Variants in TFR2 observed in about 807,000 individuals in gnomAD.
TFR2 encodes the protein transferrin receptor 2.
TFR2 carries 64 observed loss-of-function variants against 91.9 expected under a neutral mutation model. The observed-to-expected ratio is 0.70, with a 90% CI of 0.57 to 0.86. TFR2 has a LOEUF of 0.86. TFR2 is among the 40% of genes least tolerant of loss of function. The pLI, the probability that TFR2 is intolerant of heterozygous loss-of-function variation, is 0.00. For synonymous variants in TFR2, 454 were observed against 459.6 expected, an observed-to-expected ratio of 0.99 and a Z score of 0.15; for missense variants, 950 against 1,080.5, an observed-to-expected ratio of 0.88 and a Z score of 1.69.
intron 17 of TFR2, among the ~76,000 whole-genome samples, chr7:100,625,343 G>A (rs1803226638): frequency 6.6e-6 from 1 of 152,158 alleles, no homozygotes; most frequent in African/African-American, 2.4e-5. Flanking sequence ...ACAGGCGTAA[G>A]CCACCGTGCC....
chr7:100,627,827 G>A lies in TFR2; in HGVS notation c.1606-7C>T. ...TGTGGTTGGGAGAATCCACCTGGGG[G>A]TTGGGGAAGGGCACTGATCAGGCTC... On this transcript the variant is annotated splice_region_variant and splice_polypyrimidine_tract_variant and intron_variant, in intron 13 of 17. Transcript: ENST00000223051. The A allele has an allele frequency of 6.2e-7, 1 of 1,614,082 alleles. No individual in the cohort carries two copies. Among genetic ancestry groups the A allele is most frequent in the African/African-American group, 1.3e-5 (1 of 74,998 alleles).
Position 100,620,985 on chromosome 7 carries a change from C to G in TFR2, c.2278G>C (p.Gly760Arg), listed in dbSNP as rs144665594. ...TGGAAGCCAGTGGAGGAGGTGGCCC[C>G]GGGGGTCCCGGAGCTGTTGGAGCGC... Reference protein sequence around the residue: ...LLRSNSSGTPGATSSTGFQES... With the variant: ...LLRSNSSGTPRATSSTGFQES... The change falls in exon 18 of 18, where the codon GGG (glycine) becomes CGG (arginine). Residue 760 changes from glycine (G) to arginine (R), a missense_variant. Gly to Arg is a moderately radical substitution (Grantham distance 125). Coordinates refer to ENST00000223051, the MANE Select transcript of TFR2 (RefSeq NM_003227.4). The G allele has an allele frequency of 1.9e-6, 3 of 1,610,718 alleles. No homozygotes were observed. The East Asian group carries it at 6.7e-5, about 36-fold the overall frequency.
At chr7:100,629,520 C>T (rs541478502) in intron 9 of TFR2, 148 bp from the exon 10 acceptor site, 28 of 1,491,144 alleles carry the variant, frequency 1.9e-5, no homozygotes, top group Admixed American at 1.7e-4. Context: ...CGCCCCTCCC[C>T]ACTTGGCCCT....
At chr7:100,631,189 G>GT in intron 8 of TFR2, 137 bp from the exon 9 acceptor site, 1 of 1,021,052 alleles carries the variant, frequency 9.8e-7, no homozygotes, top group Non-Finnish European at 1.4e-6. Context: ...GGGTAGGGCA[G>GT]TGCAGTCAGG....
At chr7:100,623,604 C>A (rs118102766) in intron 17 of TFR2, among the ~76,000 whole-genome samples, 1 of 151,910 alleles carries the variant, frequency 6.6e-6, no homozygotes, top group African/African-American at 2.4e-5. Flanking sequence ...GTATGGAAAC[C>A]CTCATCTCTA....
chr7:100,627,174 C>T (rs1803286177), intron 16 of TFR2, 90 bp downstream of exon 16: 15 of 1,426,250 alleles, frequency 1.1e-5, no homozygotes, highest in Non-Finnish European at 1.4e-5. Context: ...GACCTAGACC[C>T]CAGGGAATGC....
rs1803413474 is a variant in TFR2 at position 100,630,953 on chromosome 7, G to GTT, written c.1204_1205dup (p.Asn402LysfsTer61). 6.2e-7 allele frequency: 1 copy of GTT among 1,612,996 alleles called. No individual in the cohort carries two copies. Among genetic ancestry groups the GTT allele is most frequent in the Non-Finnish European group, 8.5e-7 (1 of 1,179,866 alleles). On this transcript the variant is annotated frameshift_variant, in exon 9 of 18. Transcript: ENST00000223051. LOFTEE classifies it high-confidence loss of function. ...TGATGGGGGTGGAGGTCCTGTGATT[G>GTT]TTGACCACTAGCCGCAGTCGTGGCC...
chr7:100,635,432 A>AATTATT (rs60473539), intron 3 of TFR2, among the ~76,000 whole-genome samples: 2,674 of 143,368 alleles, frequency 0.019, 49 homozygotes, highest in African/African-American at 0.042. Context: ...TTTTTTAAAA[A>AATTATT]ATTATTATTA....
At chr7:100,640,463 C>T (rs1157799503) in intron 3 of TFR2, 5 of 595,212 alleles carry the variant, frequency 8.4e-6, no homozygotes, top group African/African-American at 1.9e-5. Flanking sequence ...GCTCCCTCAC[C>T]TCCCAAATAT....
intron 17 of TFR2, among the ~76,000 whole-genome samples, chr7:100,625,053 C>A (rs1228586704): frequency 8.2e-6 from 1 of 121,924 alleles, no homozygotes; most frequent in Non-Finnish European, 1.6e-5. Flanking sequence ...TTTTCTTTTT[C>A]TTTTTCTTTT....
rs201023789 is a variant in TFR2 at position 100,637,812 on chromosome 7, CA to C, written c.473+2873del. Among the ~76,000 whole-genome samples, 238 of 133,428 alleles carry C rather than the reference CA, an allele frequency of 1.8e-3. 2 individuals carry two copies. The highest frequency in any genetic ancestry group is 6.5e-3 in the African/African-American group (225 of 34,674). The allele number at this position is 133,428 out of a possible 152,430, so 87.5% of individuals were successfully genotyped here. A position where few individuals can be genotyped will look rare whatever the true frequency, so the allele number is the denominator to read the frequency against. Reference sequence around the variant, plus strand: ...TAGGTGACAGAGCAAGGCCCTGTCTCAAAAAAAAATTAATGTAATTTAATTT... The same window carrying C: ...TAGGTGACAGAGCAAGGCCCTGTCTCAAAAAAAATTAATGTAATTTAATTT... On this transcript the variant is annotated intron_variant, in intron 3 of 17. Transcript: ENST00000223051.
rs762648897 is a variant in TFR2 at position 100,631,804 on chromosome 7, A to C, written c.1106+2T>G. 1 of 1,611,508 alleles carries C rather than the reference A, an allele frequency of 6.2e-7. No individual in the cohort carries two copies. Among genetic ancestry groups the C allele is most frequent in the South Asian group, 1.1e-5 (1 of 90,784 alleles). ...TCTTCTGGTCCCCAACACTCCCCTCACCTCAGCAGGCGGGAGGCAATGTCT... is the reference window on the plus strand; with the variant it reads ...TCTTCTGGTCCCCAACACTCCCCTCCCCTCAGCAGGCGGGAGGCAATGTCT... On this transcript the variant is annotated splice_donor_variant, in intron 8 of 17. Transcript: ENST00000223051. LOFTEE classifies it high-confidence loss of function.
chr7:100,635,119 TA>T (rs1803550583), intron 3 of TFR2, among the ~76,000 whole-genome samples: 1 of 151,860 alleles, frequency 6.6e-6, no homozygotes, highest in African/African-American at 2.4e-5. Flanking sequence ...TGTATTTTTT[TA>T]GTAGAGACAG....
intron 17 of TFR2, 47 bp from the exon 18 acceptor site, chr7:100,621,173 G>A: frequency 1.4e-6 from 2 of 1,446,344 alleles, no homozygotes; most frequent in Non-Finnish European, 1.8e-6. Flanking sequence ...TCTGGCTCGG[G>A]AGCAAAGGCC....
In TFR2 at chr7:100,621,131, G is replaced by A. The variant is rs374964799; in HGVS notation, c.2137-5C>T. ...GGAAAGGAAGTAGAACTCCACCTGCGCAGAGAGGGGGATCAGGTCAGGGTT... is the reference window on the plus strand; with the variant it reads ...GGAAAGGAAGTAGAACTCCACCTGCACAGAGAGGGGGATCAGGTCAGGGTT... On this transcript the variant is annotated splice_region_variant and splice_polypyrimidine_tract_variant and intron_variant, in intron 17 of 17. Transcript: ENST00000223051. The A allele has an allele frequency of 3.9e-4, 581 of 1,508,342 alleles. 2 individuals are homozygous for A. The highest frequency in any genetic ancestry group is 3.2e-3 in the African/African-American group (233 of 72,542). 93.4% of individuals were successfully genotyped at this position (1,508,342 alleles called of 1,614,324 possible).
chr7:100,641,198 CG>C lies in TFR2; in HGVS notation c.63del (p.Val22SerfsTer35), dbSNP rs2131327975. 6.5e-7 allele frequency: 1 copy of C among 1,532,552 alleles called. No homozygotes were observed. Among genetic ancestry groups the C allele is most frequent in the Non-Finnish European group, 8.8e-7 (1 of 1,137,118 alleles). 94.9% of individuals were successfully genotyped at this position (1,532,552 alleles called of 1,614,324 possible). A position where few individuals can be genotyped will look rare whatever the true frequency, so the allele number is the denominator to read the frequency against. ...AQQLSPRSSQ[T>X]VYQRVEGPRK... ...CGGGGGCCTTCCACACGCTGGTAGA[CG>C]GTCTGAGAGGATCTTGGGGACAGTT... On this transcript the variant is annotated frameshift_variant, in exon 2 of 18. Coordinates refer to ENST00000223051, the MANE Select transcript of TFR2 (RefSeq NM_003227.4). LOFTEE classifies it high-confidence loss of function.
At position 100,629,382 on chromosome 7, in the gene TFR2, G is replaced by C; in HGVS notation, c.1271-10C>G. Reference sequence around the variant, plus strand: ...ATGACAACGTAGTGATCTGGGGAGGGGATGTTTGGGACCCACTTCTGACAC... The same window carrying C: ...ATGACAACGTAGTGATCTGGGGAGGCGATGTTTGGGACCCACTTCTGACAC... On this transcript the variant is annotated splice_polypyrimidine_tract_variant and intron_variant, in intron 9 of 17. Coordinates refer to ENST00000223051, the MANE Select transcript of TFR2 (RefSeq NM_003227.4). 6.2e-7 allele frequency: 1 copy of C among 1,613,654 alleles called. No individual in the cohort carries two copies. Among genetic ancestry groups the C allele is most frequent in the Non-Finnish European group, 8.5e-7 (1 of 1,179,724 alleles).
chr7:100,626,767 A>T lies in TFR2; in HGVS notation c.2132T>A (p.Met711Lys). The T allele has an allele frequency of 1.3e-6, 2 of 1,544,840 alleles. No individual in the cohort carries two copies. The highest frequency in any genetic ancestry group is 1.7e-6 in the Non-Finnish European group (2 of 1,146,808). Reference protein sequence around the residue: ...RLTRMYNVRIMRVEFYFLSQY... With the variant: ...RLTRMYNVRIKRVEFYFLSQY... ...GCGAGGAGGGCGGGGCCTCACCCGCATTATGCGCACGTTGTACATGCGTGT... is the reference window on the plus strand; with the variant it reads ...GCGAGGAGGGCGGGGCCTCACCCGCTTTATGCGCACGTTGTACATGCGTGT... The change falls in exon 17 of 18, where the codon ATG (methionine) becomes AAG (lysine). Residue 711 changes from methionine (M) to lysine (K), a missense_variant. Transcript: ENST00000223051.
chr7:100,628,438 C>T (rs1241449960), intron 10 of TFR2, 132 bp from the exon 11 acceptor site: 20 of 902,184 alleles, frequency 2.2e-5, no homozygotes, highest in South Asian at 3.0e-5. Context: ...CTCACTCTCT[C>T]GCCCAGGCTG....
Sources: gnomAD v4.1 joint callset for allele counts (sites outside exome capture counted in the v4.1 genomes callset) on GRCh38, gnomAD v4.1.1 for gene constraint, MANE v1.5 for transcripts, NCBI Gene and HGNC (gene_info 2026-07-23, HGNC 2026-07-21) for gene names.